The following CA10 variants were observed in gnomAD, a reference collection of about 807,000 sequenced individuals.
CA10 encodes carbonic anhydrase-related protein 10.
A neutral mutation model predicts 44.2 loss-of-function variants in CA10; 14 were observed. That is an observed-to-expected ratio of 0.32 (90% CI 0.21 to 0.50). The LOEUF is 0.50. Ranked by LOEUF, CA10 falls within the 20% of genes least tolerant of loss-of-function variation. The probability of loss-of-function intolerance (pLI) is 0.99; values close to 1 mark genes in which losing one functional copy is unlikely to be tolerated. For missense variants in CA10, 350 were observed against 409.7 expected (o/e 0.85, Z 1.26); for synonymous variants, 159 against 141.6 (o/e 1.12, Z -0.87).
chr17:52,108,481 G>A (rs1341084683), intron 1 of CA10, among the ~76,000 whole-genome samples: 2 of 151,234 alleles, frequency 1.3e-5, no homozygotes, highest in South Asian at 4.2e-4. Flanking sequence ...GGCGAATCAC[G>A]AGGTCAGGAG....
intron 5 of CA10, among the ~76,000 whole-genome samples, chr17:51,650,302 T>C (rs145329850): frequency 6.6e-6 from 1 of 152,340 alleles, no homozygotes; most frequent in Non-Finnish European, 1.5e-5. Context: ...TGCTCTGTAA[T>C]TTATGTCTCA....
chr17:52,157,664 C>T lies in CA10; in HGVS notation c.61+62G>A, dbSNP rs895592776. 5 of 1,470,310 alleles carry T rather than the reference C, an allele frequency of 3.4e-6. No homozygotes were observed. In the Admixed American group the frequency reaches 6.7e-5, roughly 20 times the overall value. 91.1% of individuals were successfully genotyped at this position (1,470,310 alleles called of 1,614,324 possible). On this transcript the variant is annotated intron_variant, in intron 1 of 8. Coordinates refer to ENST00000451037, the MANE Select transcript of CA10 (RefSeq NM_020178.5). Reference sequence around the variant, plus strand: ...CCCCGCGGCTATATACAATAAAACCCCATACACCCCAGACATCACAACATA... The same window carrying T: ...CCCCGCGGCTATATACAATAAAACCTCATACACCCCAGACATCACAACATA...
chr17:51,802,958 C>A (rs915156537), intron 3 of CA10, among the ~76,000 whole-genome samples: 3 of 152,146 alleles, frequency 2.0e-5, no homozygotes, highest in Non-Finnish European at 4.4e-5. Context: ...TGCGGAGTAG[C>A]AGACAGCAAG....
intron 2 of CA10, among the ~76,000 whole-genome samples, chr17:51,983,408 C>G (rs1984719641): frequency 1.3e-5 from 2 of 151,866 alleles, no homozygotes; most frequent in South Asian, 4.2e-4. Context: ...GTATGATATG[C>G]AATATCAAAA....
intron 3 of CA10, among the ~76,000 whole-genome samples, chr17:51,832,824 G>C (rs1023048552): frequency 6.6e-6 from 1 of 152,206 alleles, no homozygotes; most frequent in Non-Finnish European, 1.5e-5. Flanking sequence ...AGGACATGGG[G>C]TATAAGCTAC....
chr17:52,057,607 G>A (rs776882283), intron 2 of CA10, among the ~76,000 whole-genome samples: 3 of 151,994 alleles, frequency 2.0e-5, no homozygotes, highest in Non-Finnish European at 4.4e-5. Context: ...CGGCATGGGG[G>A]TCAGCATCCC....
intron 1 of CA10, among the ~76,000 whole-genome samples, chr17:52,130,653 G>A (rs1989218140): frequency 6.6e-6 from 1 of 152,096 alleles, no homozygotes; most frequent in Admixed American, 6.6e-5. Flanking sequence ...GATGGTGCAG[G>A]GTTGGGGAGA....
intron 4 of CA10, among the ~76,000 whole-genome samples, chr17:51,681,407 T>A (rs990990571): frequency 5.9e-5 from 9 of 152,180 alleles, no homozygotes; most frequent in African/African-American, 1.4e-4. Context: ...GGAACCAATT[T>A]TAGCCATGCA....
At chr17:52,121,192 C>T (rs1989007734) in intron 1 of CA10, among the ~76,000 whole-genome samples, 1 of 152,200 alleles carries the variant, frequency 6.6e-6, no homozygotes, top group Admixed American at 6.5e-5. Context: ...GAATCACCTC[C>T]TCTCTTGCAG....
chr17:51,873,783 C>T (rs531199031), intron 3 of CA10, among the ~76,000 whole-genome samples: 1 of 152,260 alleles, frequency 6.6e-6, no homozygotes, highest in African/African-American at 2.4e-5. Flanking sequence ...TTCTGGGAGT[C>T]ACTCTGAGTG....
At chr17:51,879,691 C>T (rs1980273856) in intron 3 of CA10, among the ~76,000 whole-genome samples, 1 of 152,158 alleles carries the variant, frequency 6.6e-6, no homozygotes, top group Non-Finnish European at 1.5e-5. Context: ...ATGAAAAGCT[C>T]ACTGCAGAGA....
In CA10 at chr17:51,635,955, G is replaced by A. The variant is rs770171245; in HGVS notation, c.689C>T (p.Ser230Phe). 3 of 1,609,070 alleles carry A rather than the reference G, an allele frequency of 1.9e-6. No individual in the cohort carries two copies. In the Admixed American group the frequency reaches 5.0e-5, roughly 27 times the overall value. Residue 230 changes from serine (S) to phenylalanine (F), a missense_variant, in exon 7 of 9, where the codon TCT becomes TTT. Coordinates refer to ENST00000451037, the MANE Select transcript of CA10 (RefSeq NM_020178.5). ...LNIEELYPETSSFITYDGSMT... is the reference protein window; with the variant it reads ...LNIEELYPETFSFITYDGSMT... The stretch of plus-strand genomic sequence containing the variant: ...CGACCCATCGTAAGTGATGAAACTA[G>A]AGGTCTCTGGATATAGTTCCTCTAT...
chr17:51,884,006 C>T (rs1001934164), intron 3 of CA10, among the ~76,000 whole-genome samples: 1 of 152,188 alleles, frequency 6.6e-6, no homozygotes, highest in Non-Finnish European at 1.5e-5. Flanking sequence ...TCAATCCCTT[C>T]ATGCTCAAGA....
chr17:51,715,877 A>G (rs956712087), intron 4 of CA10, among the ~76,000 whole-genome samples: 11 of 151,920 alleles, frequency 7.2e-5, no homozygotes, highest in South Asian at 6.2e-4. Context: ...TTTAGTAGAG[A>G]CGGGGTTTCA....
chr17:51,636,593 A>G (rs925353771), intron 6 of CA10, among the ~76,000 whole-genome samples: 4 of 152,194 alleles, frequency 2.6e-5, no homozygotes, highest in Admixed American at 1.3e-4. Flanking sequence ...AGTCCCTGAG[A>G]TCTGGACTCC....
chr17:51,881,172 G>A lies in CA10; in HGVS notation c.279+49818C>T, dbSNP rs536187634. 6.6e-5 allele frequency among the ~76,000 whole-genome samples: 10 copies of A among 150,802 alleles called. No individual in the cohort carries two copies. The East Asian group carries it at 1.4e-3, about 21-fold the overall frequency. ...GAAGAATGGCGTGAACCTGGGAGGC[G>A]GAGCTTGAAATGAGCCGAGATCACG... On this transcript the variant is annotated intron_variant, in intron 3 of 8. Transcript: ENST00000451037.
chr17:51,846,656 A>G (rs1978507314), intron 3 of CA10, among the ~76,000 whole-genome samples: 1 of 152,236 alleles, frequency 6.6e-6, no homozygotes, highest in Admixed American at 6.5e-5. Flanking sequence ...GCCAGCAAAA[A>G]GGATGTTTTA....
chr17:51,842,851 G>A (rs1161433255), intron 3 of CA10, among the ~76,000 whole-genome samples: 1 of 152,130 alleles, frequency 6.6e-6, no homozygotes, highest in East Asian at 1.9e-4. Context: ...ATGAACTTCT[G>A]AGAGACAACT....
At chr17:51,820,420 C>CCT (rs1567850527) in intron 3 of CA10, among the ~76,000 whole-genome samples, 3 of 78,388 alleles carry the variant, frequency 3.8e-5, no homozygotes, top group African/African-American at 1.4e-4. Context: ...CCCCCCCCCG[C>CCT]CCGCCGATTT....
Sources: gnomAD v4.1 joint callset for allele counts (sites outside exome capture counted in the v4.1 genomes callset) on GRCh38, gnomAD v4.1.1 for gene constraint, MANE v1.5 for transcripts, NCBI Gene and HGNC (gene_info 2026-07-23, HGNC 2026-07-21) for gene names.